The following LZTFL1 variants were observed in gnomAD, a reference collection of about 807,000 sequenced individuals.
LZTFL1 encodes the protein leucine zipper transcription factor-like protein 1.
A neutral mutation model predicts 45.9 loss-of-function variants in LZTFL1; 25 were observed. The observed-to-expected ratio is 0.54, with a 90% CI of 0.40 to 0.76. The LOEUF (loss-of-function observed/expected upper bound fraction) is 0.76, where lower values mean the gene tolerates loss of function less well. Among genes scored for constraint, LZTFL1 ranks in the 30% least tolerant of loss-of-function variants. The pLI, the probability that LZTFL1 is intolerant of heterozygous loss-of-function variation, is 0.00. For synonymous variants in LZTFL1, 93 were observed against 117.4 expected (o/e 0.79, Z 1.35); for missense variants, 277 against 331.1 (o/e 0.84, Z 1.27).
rs1701135091 is a variant in LZTFL1, at chr3:45,842,068, G to A, written c.-77C>T. ...CCCGCCAAGCCTGGGATCGCCGAGGGTAGTTGGACCACAGAAAATGGGGAA... is the reference window on the plus strand; with the variant it reads ...CCCGCCAAGCCTGGGATCGCCGAGGATAGTTGGACCACAGAAAATGGGGAA... On this transcript the variant is annotated 5_prime_UTR_variant, in exon 1 of 10. Transcript: ENST00000296135. 1 of 1,593,654 alleles carries A rather than the reference G, an allele frequency of 6.3e-7. No individual in the cohort carries two copies. The highest frequency in any genetic ancestry group is 1.3e-5 in the African/African-American group (1 of 74,680).
upstream of LZTFL1, among the ~76,000 whole-genome samples, chr3:45,845,017 C>T (rs1701195218): frequency 6.6e-6 from 1 of 152,162 alleles, no homozygotes; most frequent in African/African-American, 2.4e-5. Context: ...ACACCGAAAC[C>T]ATCAAAATGA....
At chr3:45,857,126 C>G (rs1409890102) in intron 3 of LZTFL1, among the ~76,000 whole-genome samples, 2 of 152,142 alleles carry the variant, frequency 1.3e-5, no homozygotes, top group Non-Finnish European at 2.9e-5. Context: ...AACCTAAATG[C>G]TCATCAATGA....
intron 4 of LZTFL1, among the ~76,000 whole-genome samples, chr3:45,852,370 G>A (rs1701322234): frequency 6.6e-6 from 1 of 152,216 alleles, no homozygotes; most frequent in African/African-American, 2.4e-5. Context: ...TGTATGTACA[G>A]AGATGTTTAC....
At chr3:45,879,697 A>C (rs1177967439) in intron 2 of LZTFL1, among the ~76,000 whole-genome samples, 1 of 152,166 alleles carries the variant, frequency 6.6e-6, no homozygotes, top group Non-Finnish European at 1.5e-5. Context: ...GATTATAACA[A>C]ATGTGCCACT....
chr3:45,837,996 A>G lies in LZTFL1; in HGVS notation c.59T>C (p.Phe20Ser). The G allele has an allele frequency of 6.2e-7, 1 of 1,613,588 alleles. No homozygotes were observed. Among genetic ancestry groups the G allele is most frequent in the Non-Finnish European group, 8.5e-7 (1 of 1,179,878 alleles). The change falls in exon 2 of 10, where the codon TTT becomes TCT. Residue 20 changes from phenylalanine to serine, a missense_variant. Physicochemically the swap from Phe to Ser is radical, Grantham distance 155. Coordinates refer to ENST00000296135, the MANE Select transcript of LZTFL1 (RefSeq NM_020347.4). ...HQNEVINYMR[F>S]ARSKRGLRLK... ...TCTCAAGCCTCTCTTTGAACGAGCA[A>G]AACGCATATAATTAATAACTTCATT...
At chr3:45,910,344 G>C (rs1702770177) in intron 2 of LZTFL1, among the ~76,000 whole-genome samples, 1 of 152,174 alleles carries the variant, frequency 6.6e-6, no homozygotes, top group Non-Finnish European at 1.5e-5. Flanking sequence ...GATTAGAATT[G>C]AAAGAAAGGA....
At chr3:45,864,867 T>C (rs1490086982) in intron 2 of LZTFL1, among the ~76,000 whole-genome samples, 1 of 152,192 alleles carries the variant, frequency 6.6e-6, no homozygotes, top group African/African-American at 2.4e-5. Context: ...ACTCCCAGTT[T>C]TACTCATTTC....
At chr3:45,832,004 G>T (rs534352927) in intron 5 of LZTFL1, among the ~76,000 whole-genome samples, 2 of 152,284 alleles carry the variant, frequency 1.3e-5, no homozygotes, top group Admixed American at 6.5e-5. Flanking sequence ...GGAAGGCCGA[G>T]GCGGGCGTAT....
At chr3:45,836,408 A>G (rs974774201) in intron 2 of LZTFL1, among the ~76,000 whole-genome samples, 7 of 152,176 alleles carry the variant, frequency 4.6e-5, no homozygotes, top group African/African-American at 1.7e-4. Context: ...TAATCCCAGC[A>G]CTTTGGGAGG....
At chr3:45,867,581 T>C (rs768896787) in intron 2 of LZTFL1, among the ~76,000 whole-genome samples, 4 of 152,162 alleles carry the variant, frequency 2.6e-5, no homozygotes, top group Non-Finnish European at 5.9e-5. Flanking sequence ...CCGTGGCTCA[T>C]GCCTGTAATC....
Position 45,827,409 on chromosome 3 carries a change from CTCTT to C in LZTFL1, c.824_827del (p.Lys275ArgfsTer13). 6.2e-7 allele frequency: 1 copy of C among 1,613,934 alleles called. No homozygotes were observed. The highest frequency in any genetic ancestry group is 2.2e-5 in the East Asian group (1 of 44,852). ...TTTGGTCATTCTTCTTGGTAAGAATCTCTTTCATGTTTCGATAAGCTGCTGTTTG... is the reference window on the plus strand; with the variant it reads ...TTTGGTCATTCTTCTTGGTAAGAATCTCATGTTTCGATAAGCTGCTGTTTG... On this transcript the variant is annotated frameshift_variant, in exon 9 of 10. Transcript: ENST00000296135. LOFTEE classifies it high-confidence loss of function.
In LZTFL1 at chr3:45,915,185, A is replaced by G. The variant is rs1483654018; in HGVS notation, c.-273+236T>C. ...GCATGGGGCAGCTTCAGCCACACCG[A>G]CACCGTCATTTCTCACTGCCCCTTT... On this transcript the variant is annotated intron_variant, in intron 1 of 4. Transcript: ENST00000472635. Among the ~76,000 whole-genome samples the G allele has an allele frequency of 2.0e-5, 3 of 152,130 alleles. No individual in the cohort carries two copies. In the East Asian group the frequency reaches 5.8e-4, roughly 29 times the overall value.
chr3:45,867,678 T>A (rs910818455), intron 2 of LZTFL1, among the ~76,000 whole-genome samples: 1 of 152,074 alleles, frequency 6.6e-6, no homozygotes, highest in African/African-American at 2.4e-5. Flanking sequence ...ACCTCATCTC[T>A]ACAAAATATC....
chr3:45,901,141 T>G lies in LZTFL1; in HGVS notation c.-215+11979A>C. 1 of 1,614,208 alleles carries G rather than the reference T, an allele frequency of 6.2e-7. No homozygotes were observed. The highest frequency in any genetic ancestry group is 8.5e-7 in the Non-Finnish European group (1 of 1,180,020). On this transcript the variant is annotated intron_variant, in intron 2 of 4. Transcript: ENST00000472635. This position sits in a 1 kb window ranked among gnomAD's most constrained non-coding sequence, Gnocchi z 4.3. ...GACCAGTGGAAGTTCCAGACCTTCA[T>G]GTGCAAGGTGGTCAACAGCATGTAC...
upstream of LZTFL1, among the ~76,000 whole-genome samples, chr3:45,844,715 AT>A (rs1030301568): frequency 3.3e-5 from 5 of 152,184 alleles, no homozygotes; most frequent in African/African-American, 1.2e-4. Flanking sequence ...AAGGGCCCAG[AT>A]TACAGGGCTC....
At chr3:45,885,641 C>T (rs577254087) in intron 2 of LZTFL1, among the ~76,000 whole-genome samples, 13 of 152,324 alleles carry the variant, frequency 8.5e-5, no homozygotes, top group African/African-American at 3.1e-4. Context: ...TCTGCATTGT[C>T]CATTGGGATA....
intron 2 of LZTFL1, among the ~76,000 whole-genome samples, chr3:45,888,296 C>T (rs1351401761): frequency 6.6e-6 from 1 of 152,146 alleles, no homozygotes; most frequent in Admixed American, 6.5e-5. Context: ...TGCTCTTCGG[C>T]CTTCAAGGAC....
chr3:45,898,658 T>C (rs1209908500), intron 2 of LZTFL1, among the ~76,000 whole-genome samples: 1 of 152,260 alleles, frequency 6.6e-6, no homozygotes, highest in African/African-American at 2.4e-5. Flanking sequence ...CCTTGGGTCC[T>C]CCTGCTACTT....
rs1289998521 is a variant in LZTFL1, at chr3:45,901,411, C to T, written c.-215+11709G>A. 1 of 1,614,160 alleles carries T rather than the reference C, an allele frequency of 6.2e-7. No homozygotes were observed. The highest frequency in any genetic ancestry group is 8.5e-7 in the Non-Finnish European group (1 of 1,180,018). ...ATGGTTTACCCTAGCGATGAGAGCACCAAACTGAAGTCAGCTGTCTTGACC... is the reference window on the plus strand; with the variant it reads ...ATGGTTTACCCTAGCGATGAGAGCATCAAACTGAAGTCAGCTGTCTTGACC... On this transcript the variant is annotated intron_variant, in intron 2 of 4. Coordinates refer to the LZTFL1 transcript ENST00000472635. The surrounding 1 kb of genome is among the most constrained non-coding windows in gnomAD (Gnocchi z 4.3).
Sources: allele counts gnomAD v4.1 joint callset (sites outside exome capture counted in the v4.1 genomes callset), GRCh38; gene constraint gnomAD v4.1.1; non-coding constraint Gnocchi (gnomAD v3.1); transcripts MANE v1.5; gene names NCBI Gene and HGNC (gene_info 2026-07-23, HGNC 2026-07-21).